GLIS3: variants seen among roughly 807,000 people sequenced by gnomAD.
GLIS3 encodes the protein zinc finger protein GLIS3.
GLIS3 carries 53 observed loss-of-function variants against 78.6 expected under a neutral mutation model. The ratio of observed to expected loss-of-function variants is 0.67; its 90% CI spans 0.54 to 0.85. GLIS3 has a LOEUF of 0.85. Among genes scored for constraint, GLIS3 ranks in the 40% least tolerant of loss-of-function variants. GLIS3 has a pLI of 0.00. For synonymous variants in GLIS3, 684 were observed against 509.9 expected (o/e 1.34, Z -4.60); for missense variants, 1,703 against 1,231.1 (o/e 1.38, Z -5.74).
intron 4 of GLIS3, among the ~76,000 whole-genome samples, chr9:4,053,758 G>A (rs1421203803): frequency 7.2e-6 from 1 of 138,248 alleles, no homozygotes; most frequent in African/African-American, 2.6e-5. Flanking sequence ...GCCACATGAA[G>A]AGAAAGGAAT....
chr9:4,213,852 C>G (rs1180529292), intron 2 of GLIS3, among the ~76,000 whole-genome samples: 1 of 150,974 alleles, frequency 6.6e-6, no homozygotes, highest in African/African-American at 2.4e-5. Context: ...TTCTAGATAT[C>G]AGGGTCACAG....
At chr9:4,117,281 A>G (rs1564071557) in intron 4 of GLIS3, among the ~76,000 whole-genome samples, 3 of 152,244 alleles carry the variant, frequency 2.0e-5, no homozygotes, top group Admixed American at 6.5e-5. Context: ...ATGCATGCCG[A>G]AACACTTTTA....
chr9:3,950,091 C>T, intron 4 of GLIS3, among the ~76,000 whole-genome samples: 1 of 152,222 alleles, frequency 6.6e-6, no homozygotes, highest in East Asian at 1.9e-4. Context: ...GCCTACAAGT[C>T]ATTTTTGACA....
chr9:4,442,082 G>C, the GLIS3 span, among the ~76,000 whole-genome samples: 10 of 152,228 alleles, frequency 6.6e-5, no homozygotes, highest in East Asian at 1.9e-3. Context: ...TCAAGTTCCA[G>C]GCTTTTCTTA....
At chr9:4,207,815 A>G (rs1233147907) in intron 2 of GLIS3, among the ~76,000 whole-genome samples, 1 of 152,210 alleles carries the variant, frequency 6.6e-6, no homozygotes, top group Non-Finnish European at 1.5e-5. Flanking sequence ...ACTTCCTCCA[A>G]ACAGGTATGA....
intron 9 of GLIS3, among the ~76,000 whole-genome samples, chr9:3,832,813 G>A (rs138570297): frequency 8.7e-4 from 132 of 152,244 alleles, no homozygotes; most frequent in Non-Finnish European, 1.6e-3. Flanking sequence ...ACTCCTCAGC[G>A]TAATATCAAC....
chr9:4,270,631 C>T (rs1826415519), intron 2 of GLIS3, among the ~76,000 whole-genome samples: 1 of 152,174 alleles, frequency 6.6e-6, no homozygotes, highest in Admixed American at 6.5e-5. Flanking sequence ...CTTCATGAAG[C>T]ACACAAACCA....
At chr9:4,300,872 G>A (rs1269926803), upstream of GLIS3, among the ~76,000 whole-genome samples, 1 of 151,960 alleles carries the variant, frequency 6.6e-6, no homozygotes, top group Non-Finnish European at 1.5e-5. Flanking sequence ...TATCCTCCAG[G>A]TAGGCCTTTC....
chr9:4,073,735 C>CT (rs1827816258), intron 4 of GLIS3, among the ~76,000 whole-genome samples: 1 of 152,184 alleles, frequency 6.6e-6, no homozygotes, highest in Non-Finnish European at 1.5e-5. Context: ...CCCCCAATAG[C>CT]TTAGCTTCTG....
chr9:4,232,289 G>A (rs1269742548), intron 2 of GLIS3, among the ~76,000 whole-genome samples: 1 of 151,492 alleles, frequency 6.6e-6, no homozygotes, highest in East Asian at 1.9e-4. Flanking sequence ...GCCAAGGCAG[G>A]GGGATCACTT....
intron 2 of GLIS3, among the ~76,000 whole-genome samples, chr9:4,190,403 G>C (rs1354559889): frequency 1.3e-5 from 2 of 151,552 alleles, no homozygotes; most frequent in East Asian, 1.9e-4. Flanking sequence ...CTCAGGAGCC[G>C]ATGCGATCAA....
At chr9:4,428,483 CAA>C in the GLIS3 span, among the ~76,000 whole-genome samples, 10 of 48,452 alleles carry the variant, frequency 2.1e-4, no homozygotes, top group South Asian at 7.7e-4. Context: ...GACTCTGTCT[CAA>C]AAAAAAAAAA....
chr9:3,955,896 G>C (rs1817067321), intron 4 of GLIS3, among the ~76,000 whole-genome samples: 1 of 152,004 alleles, frequency 6.6e-6, no homozygotes, highest in Admixed American at 6.6e-5. Context: ...TCAGCAATGA[G>C]AAGTCTCCCT....
Position 4,013,169 on chromosome 9 carries a change from G to A in GLIS3, c.1711-75980C>T, listed in dbSNP as rs1029841878. On this transcript the variant is annotated intron_variant, in intron 4 of 10. Transcript: ENST00000381971. Reference sequence around the variant, plus strand: ...TGTAAGGAAATTTGGGTTCTCTGGTGGCCCGTGACATCCCACATCCCCAAC... The same window carrying A: ...TGTAAGGAAATTTGGGTTCTCTGGTAGCCCGTGACATCCCACATCCCCAAC... 5.3e-5 allele frequency among the ~76,000 whole-genome samples: 8 copies of A among 152,166 alleles called. No homozygotes were observed. The East Asian group carries it at 1.5e-3, about 29-fold the overall frequency.
At chr9:4,110,791 C>G (rs1831147452) in intron 4 of GLIS3, among the ~76,000 whole-genome samples, 1 of 152,084 alleles carries the variant, frequency 6.6e-6, no homozygotes, top group South Asian at 2.1e-4. Context: ...ACTAATAAAT[C>G]TACCTGGAAA....
intron 2 of GLIS3, among the ~76,000 whole-genome samples, chr9:4,220,470 A>G (rs1821228626): frequency 6.6e-6 from 1 of 152,240 alleles, no homozygotes; most frequent in Non-Finnish European, 1.5e-5. Flanking sequence ...CACCAGCATT[A>G]GACAGATTGA....
intron 7 of GLIS3, among the ~76,000 whole-genome samples, chr9:3,893,353 A>C (rs1822590441): frequency 6.6e-6 from 1 of 152,240 alleles, no homozygotes; most frequent in South Asian, 2.1e-4. Flanking sequence ...CTGAAGCACC[A>C]AATTAAGCAG....
rs184146069 is a variant in GLIS3, at chr9:4,085,299, A to G, written c.1710+32469T>C. Among the ~76,000 whole-genome samples, 238 of 151,412 alleles carry G rather than the reference A, an allele frequency of 1.6e-3. 5 individuals are homozygous for G. Among genetic ancestry groups the G allele is most frequent in the Admixed American group, 0.014 (220 of 15,218 alleles). ...AAATCTTTCCTCCATTTAAGCATTG[A>G]TATTTTCTAAGGGTTCTTTTTTCTT... On this transcript the variant is annotated intron_variant, in intron 4 of 10. Transcript: ENST00000381971.
chr9:4,090,196 C>A (rs1302749541), intron 4 of GLIS3, among the ~76,000 whole-genome samples: 1 of 152,192 alleles, frequency 6.6e-6, no homozygotes, highest in African/African-American at 2.4e-5. Context: ...CCCTTCTACA[C>A]AGGCCCACTG....
Sources: allele counts gnomAD v4.1 joint callset (sites outside exome capture counted in the v4.1 genomes callset), GRCh38; gene constraint gnomAD v4.1.1; transcripts MANE v1.5; gene names NCBI Gene and HGNC (gene_info 2026-07-23, HGNC 2026-07-21).